The following PLA2G6 variants were observed in gnomAD, a reference collection of about 807,000 sequenced individuals.
PLA2G6 encodes 85/88 kDa calcium-independent phospholipase A2.
In PLA2G6, 62 loss-of-function variants were observed where a neutral mutation model predicts 83.8. The ratio of observed to expected loss-of-function variants is 0.74; its 90% CI spans 0.60 to 0.91. The LOEUF (loss-of-function observed/expected upper bound fraction) is 0.91, where lower values mean the gene tolerates loss of function less well. Ranked by LOEUF, PLA2G6 falls within the 40% of genes least tolerant of loss-of-function variation. The probability of loss-of-function intolerance (pLI) is 0.00; values close to 1 mark genes in which losing one functional copy is unlikely to be tolerated. For synonymous variants in PLA2G6, 417 were observed against 449.8 expected, an observed-to-expected ratio of 0.93 and a Z score of 0.92; for missense variants, 944 against 1,102.0, an observed-to-expected ratio of 0.86 and a Z score of 2.03.
chr22:38,160,413 C>T (rs1602237838), intron 2 of PLA2G6, among the ~76,000 whole-genome samples: 1 of 149,308 alleles, frequency 6.7e-6, no homozygotes, highest in Non-Finnish European at 1.5e-5. Context: ...CTAGAAATAA[C>T]CCAAATTTTC....
At chr22:38,180,865 A>T (rs1169976806) in intron 1 of PLA2G6, among the ~76,000 whole-genome samples, 3 of 145,710 alleles carry the variant, frequency 2.1e-5, no homozygotes, top group Non-Finnish European at 4.4e-5. Flanking sequence ...AAACTCTAAC[A>T]AAAACAATGC....
intron 13 of PLA2G6, 65 bp from the exon 14 acceptor site, chr22:38,115,746 GA>G: frequency 6.5e-7 from 1 of 1,537,756 alleles, no homozygotes; most frequent in Non-Finnish European, 8.8e-7. Context: ...ATGCACTCCA[GA>G]TCTCAGGGTG....
chr22:38,139,450 T>TATTTATTTATTTATTTATTC (rs1569270641), intron 5 of PLA2G6: 1 of 150,814 alleles, frequency 6.6e-6, no homozygotes, highest in Non-Finnish European at 1.5e-5. Flanking sequence ...TTTATTTATT[T>TATTTATTTATTTATTTATTC]TTTGAGACAG....
At chr22:38,112,854 A>C (rs1602054958) in intron 15 of PLA2G6, 2 of 572,240 alleles carry the variant, frequency 3.5e-6, no homozygotes, top group Non-Finnish European at 6.3e-6. Flanking sequence ...ACAGGCCTCC[A>C]TGTCCCCTCT....
chr22:38,116,756 CAAG>C (rs2087219359), intron 12 of PLA2G6, among the ~76,000 whole-genome samples: 1 of 138,266 alleles, frequency 7.2e-6, no homozygotes, highest in African/African-American at 2.7e-5. Context: ...GAGGCTGAAG[CAAG>C]AGAATTGCTT....
At chr22:38,145,926 T>A in intron 2 of PLA2G6, 2 of 460,798 alleles carry the variant, frequency 4.3e-6, no homozygotes, top group Non-Finnish European at 8.1e-6. Context: ...CAGGCTGGGG[T>A]GCGGTGGTGT....
intron 6 of PLA2G6, chr22:38,134,024 G>A (rs549287234): frequency 4.6e-5 from 7 of 152,316 alleles, no homozygotes; most frequent in African/African-American, 1.7e-4. Context: ...CCCTTAATCT[G>A]GGTGGGCACC....
chr22:38,161,318 A>C (rs2145896451), intron 2 of PLA2G6, among the ~76,000 whole-genome samples: 1 of 152,186 alleles, frequency 6.6e-6, no homozygotes, highest in South Asian at 2.1e-4. Context: ...TGGTTTGCAG[A>C]TGGCTATCTT....
rs2086998270 is a variant in PLA2G6 at position 38,113,396 on chromosome 22, C to T, written c.2202+91G>A. The T allele has an allele frequency of 8.6e-6, 11 of 1,278,760 alleles. 1 individual carries two copies. The Admixed American group carries it at 1.0e-4, about 12-fold the overall frequency. The allele number at this position is 1,278,760 out of a possible 1,614,324, so 79.2% of individuals were successfully genotyped here. On this transcript the variant is annotated intron_variant, in intron 15 of 16. Transcript: ENST00000332509. ...ATGGACAGAGCCCTGCTGTCTCCTC[C>T]AACACCAAAGGCCCCACAGGATGAG...
intron 7 of PLA2G6, chr22:38,130,298 A>AT (rs1234150154): frequency 6.4e-6 from 1 of 155,118 alleles, no homozygotes; most frequent in Non-Finnish European, 1.4e-5. Context: ...ATTAACTGTG[A>AT]TTTTTTGTTG....
In PLA2G6 at chr22:38,116,077, G is replaced by A. The variant is rs775354024; in HGVS notation, c.1877C>T (p.Ser626Leu). Reference sequence around the variant, plus strand: ...GATGCATCAAACATGGTTTAAACCTGAGGGCTGAGCTGGAGGCCTGAGGTT... The same window carrying A: ...GATGCATCAAACATGGTTTAAACCTAAGGGCTGAGCTGGAGGCCTGAGGTT... ...NVNLRPPAQP[S>L]DQLVWRAARS... Residue 626 changes from serine to leucine, a missense_variant and splice_region_variant, in exon 13 of 17, where the codon TCA becomes TTA. Ser to Leu is a moderately radical substitution (Grantham distance 145). Transcript: ENST00000332509. 5 of 1,613,960 alleles carry A rather than the reference G, an allele frequency of 3.1e-6. No homozygotes were observed. The highest frequency in any genetic ancestry group is 4.2e-6 in the Non-Finnish European group (5 of 1,179,974).
Position 38,140,067 on chromosome 22 carries a change from C to A in PLA2G6, c.712G>T (p.Val238Leu). The A allele has an allele frequency of 6.2e-7, 1 of 1,613,966 alleles. No homozygotes were observed. Among genetic ancestry groups the A allele is most frequent in the Non-Finnish European group, 8.5e-7 (1 of 1,179,958 alleles). Residue 238 changes from valine (V) to leucine (L), a missense_variant, in exon 5 of 17, where the codon GTG becomes TTG. Physicochemically the swap from Val to Leu is conservative, Grantham distance 32. Transcript: ENST00000332509. ...CACCGAGCATTGCACAGCAGCAGCACGCGGACCATCTCCTGCTTCCCCAGC... is the reference window on the plus strand; with the variant it reads ...CACCGAGCATTGCACAGCAGCAGCAAGCGGACCATCTCCTGCTTCCCCAGC... ...CQLGKQEMVR[V>L]LLLCNARCNI...
At chr22:38,159,507 T>C (rs1026389562) in intron 2 of PLA2G6, among the ~76,000 whole-genome samples, 7 of 152,210 alleles carry the variant, frequency 4.6e-5, no homozygotes, top group African/African-American at 1.2e-4. Flanking sequence ...GGTGGGAGGA[T>C]TGTTTGAGCC....
intron 12 of PLA2G6, among the ~76,000 whole-genome samples, chr22:38,120,132 C>T (rs2087439943): frequency 6.6e-6 from 1 of 152,216 alleles, no homozygotes; most frequent in Admixed American, 6.5e-5. Flanking sequence ...ACCATTCATC[C>T]AGCCCCGAAC....
At chr22:38,127,932 C>T (rs549045402) in intron 9 of PLA2G6, among the ~76,000 whole-genome samples, 70 of 152,334 alleles carry the variant, frequency 4.6e-4, no homozygotes, top group African/African-American at 1.5e-3. Flanking sequence ...CCCAGTCCCC[C>T]GACAGCACTC....
intron 14 of PLA2G6, among the ~76,000 whole-genome samples, chr22:38,114,235 C>T (rs1157135301): frequency 6.7e-6 from 1 of 150,364 alleles, no homozygotes; most frequent in East Asian, 2.0e-4. Context: ...GTCTGGAGTG[C>T]AGTGGCGCGA....
Position 38,132,796 on chromosome 22 carries a change from G to C in PLA2G6, c.1077+35C>G. On this transcript the variant is annotated intron_variant, in intron 7 of 16. Coordinates refer to ENST00000332509, the MANE Select transcript of PLA2G6 (RefSeq NM_003560.4). The surrounding 1 kb of genome is among the most constrained non-coding windows in gnomAD (Gnocchi z 5.0). ...ACAGCCCTCCTGCATTCCCACCGGG[G>C]CCCCACAGGGCAGGACACGCGGTCC... The C allele has an allele frequency of 1.3e-6, 2 of 1,526,952 alleles. No individual in the cohort carries two copies. Among genetic ancestry groups the C allele is most frequent in the Non-Finnish European group, 1.8e-6 (2 of 1,137,346 alleles). 94.6% of individuals were successfully genotyped at this position (1,526,952 alleles called of 1,614,324 possible).
intron 7 of PLA2G6, among the ~76,000 whole-genome samples, chr22:38,129,915 TG>T (rs1288678546): frequency 6.6e-6 from 1 of 152,194 alleles, no homozygotes; most frequent in African/African-American, 2.4e-5. Context: ...CAGCTGCTGA[TG>T]GCTTTCAGGA....
chr22:38,125,492 A>C (rs531700600), intron 10 of PLA2G6: 1 of 341,760 alleles, frequency 2.9e-6, no homozygotes, highest in African/African-American at 2.2e-5. Context: ...CTGGGAGTGG[A>C]GCTGCCTCTG....
Sources: gnomAD v4.1 joint callset for allele counts (sites outside exome capture counted in the v4.1 genomes callset) on GRCh38, gnomAD v4.1.1 for gene constraint, Gnocchi (gnomAD v3.1) non-coding constraint, MANE v1.5 for transcripts, NCBI Gene and HGNC (gene_info 2026-07-23, HGNC 2026-07-21) for gene names.